Variants in SMARCA2 observed in about 807,000 individuals in gnomAD.
The protein encoded by SMARCA2 is SWI/SNF-related matrix-associated actin-dependent regulator of chromatin subfamily A member 2.
Under a neutral mutation model 199.8 loss-of-function variants are expected in SMARCA2, and 61 were observed. That is an observed-to-expected ratio of 0.31 (90% CI 0.25 to 0.38). The LOEUF is 0.38. Ranked by LOEUF, SMARCA2 falls within the 10% of genes least tolerant of loss-of-function variation. The pLI is 1.00. For missense variants in SMARCA2, 1,344 were observed against 2,012.2 expected (o/e 0.67, Z 6.35); for synonymous variants, 935 against 732.0 (o/e 1.28, Z -4.48).
chr9:2,080,756 C>T (rs934126464), intron 14 of SMARCA2, among the ~76,000 whole-genome samples: 3 of 152,148 alleles, frequency 2.0e-5, no homozygotes, highest in Non-Finnish European at 4.4e-5. Context: ...CAAACCAATG[C>T]GGTGTCTCCC....
In SMARCA2 at chr9:2,119,968, G is replaced by A. The variant is rs922832811; in HGVS notation, c.3762+433G>A. Among the ~76,000 whole-genome samples, 2 of 152,202 alleles carry A rather than the reference G, an allele frequency of 1.3e-5. No individual in the cohort carries two copies. Among genetic ancestry groups the A allele is most frequent in the African/African-American group, 4.8e-5 (2 of 41,448 alleles). On this transcript the variant is annotated intron_variant, in intron 26 of 33. Transcript: ENST00000349721. This position sits in a 1 kb window ranked among gnomAD's most constrained non-coding sequence, Gnocchi z 4.6. ...TCAGGAAGCCTACCTGGCTCCTATAGGCATTGGAACTTACAACAGTGCCCT... is the reference window on the plus strand; with the variant it reads ...TCAGGAAGCCTACCTGGCTCCTATAAGCATTGGAACTTACAACAGTGCCCT...
At chr9:2,042,844 A>G (rs1819671332) in intron 4 of SMARCA2, 7 of 152,162 alleles carry the variant, frequency 4.6e-5, no homozygotes, top group Admixed American at 4.6e-4. Flanking sequence ...GGAGACGTGA[A>G]TGAAGGAGGA....
chr9:2,064,982 A>T (rs1448356961), intron 9 of SMARCA2, among the ~76,000 whole-genome samples: 1 of 152,186 alleles, frequency 6.6e-6, no homozygotes, highest in African/African-American at 2.4e-5. Flanking sequence ...CAGGAGATCG[A>T]GACCATCCTG....
intron 2 of SMARCA2, 24 bp from the exon 3 acceptor site, chr9:2,032,928 A>C (rs1314537534): frequency 6.2e-7 from 1 of 1,609,606 alleles, no homozygotes; most frequent in Admixed American, 1.7e-5. Flanking sequence ...GAGGTGTCTA[A>C]CTAATGTCCT....
Position 2,162,078 on chromosome 9 carries a change from T to C in SMARCA2, c.4199+175T>C, listed in dbSNP as rs1303612807. Reference sequence around the variant, plus strand: ...TAAAATGGCCACTGTTGCTATTTTGTATGATGTTTCATCAGGTATTATTTA... The same window carrying C: ...TAAAATGGCCACTGTTGCTATTTTGCATGATGTTTCATCAGGTATTATTTA... On this transcript the variant is annotated intron_variant, in intron 28 of 33. Transcript: ENST00000349721. Among the ~76,000 whole-genome samples, 6 of 152,246 alleles carry C rather than the reference T, an allele frequency of 3.9e-5. No individual in the cohort carries two copies. In the East Asian group the frequency reaches 1.2e-3, roughly 29 times the overall value.
In SMARCA2 at chr9:2,017,261, C is replaced by A. The variant is rs146715871; in HGVS notation, c.-37+1857C>A. On this transcript the variant is annotated intron_variant, in intron 1 of 33. Coordinates refer to ENST00000349721, the MANE Select transcript of SMARCA2 (RefSeq NM_003070.5). The surrounding 1 kb of genome is among the most constrained non-coding windows in gnomAD (Gnocchi z 8.8). ...GGGGGTGGGGTGGAGGGAAGTTGGA[C>A]GTGGATCAGGCAGGAAAAAAAAAGT... The A allele has an allele frequency of 4.2e-5, 6 of 143,752 alleles. No homozygotes were observed. The highest frequency in any genetic ancestry group is 7.9e-5 in the African/African-American group (3 of 38,182). 8.9% of individuals were successfully genotyped at this position (143,752 alleles called of 1,614,324 possible). A position where few individuals can be genotyped will look rare whatever the true frequency, so the allele number is the denominator to read the frequency against.
At chr9:2,101,259 G>A (rs1205511286) in intron 21 of SMARCA2, among the ~76,000 whole-genome samples, 1 of 151,978 alleles carries the variant, frequency 6.6e-6, no homozygotes, top group African/African-American at 2.4e-5. Flanking sequence ...CCTAGAGGGT[G>A]GATCTCCAGA....
chr9:2,131,322 A>G (rs962731629), intron 27 of SMARCA2, among the ~76,000 whole-genome samples: 4 of 152,114 alleles, frequency 2.6e-5, no homozygotes, highest in African/African-American at 9.7e-5. Context: ...CTTATGTCTG[A>G]ATGTGTAGAC....
chr9:2,020,804 G>A (rs1563710264), intron 1 of SMARCA2, among the ~76,000 whole-genome samples: 1 of 152,086 alleles, frequency 6.6e-6, no homozygotes, highest in Non-Finnish European at 1.5e-5. Context: ...ATGAAATTCA[G>A]GAACAAAATA....
intron 9 of SMARCA2, among the ~76,000 whole-genome samples, chr9:2,061,189 G>A (rs1470884208): frequency 6.6e-6 from 1 of 152,132 alleles, no homozygotes; most frequent in Non-Finnish European, 1.5e-5. Context: ...CATAATAATG[G>A]GATATACTAA....
At chr9:2,053,136 G>A (rs1375271323) in intron 5 of SMARCA2, among the ~76,000 whole-genome samples, 4 of 151,958 alleles carry the variant, frequency 2.6e-5, no homozygotes, top group South Asian at 2.1e-4. Context: ...TCCCTCCCCC[G>A]TCTAGTAGTC....
At chr9:2,090,829 A>C (rs895210764) in intron 19 of SMARCA2, among the ~76,000 whole-genome samples, 3 of 149,108 alleles carry the variant, frequency 2.0e-5, no homozygotes, top group Non-Finnish European at 4.4e-5. Context: ...GCTGATGTTC[A>C]TTTTCTACTT....
At chr9:2,150,051 C>T (rs911440751) in intron 27 of SMARCA2, among the ~76,000 whole-genome samples, 1 of 151,498 alleles carries the variant, frequency 6.6e-6, no homozygotes, top group Non-Finnish European at 1.5e-5. Flanking sequence ...TGTGTACATA[C>T]ATGTATGTGA....
intron 27 of SMARCA2, among the ~76,000 whole-genome samples, chr9:2,149,713 A>G (rs7858702): frequency 0.83 from 126,082 of 151,104 alleles, 53,357 homozygotes; most frequent in Middle Eastern, 0.93. Context: ...GAGCCAAACC[A>G]TATCACTGGC....
At chr9:2,154,209 C>T (rs1201286432) in intron 27 of SMARCA2, among the ~76,000 whole-genome samples, 1 of 152,028 alleles carries the variant, frequency 6.6e-6, no homozygotes, top group Non-Finnish European at 1.5e-5. Flanking sequence ...CTAAATGTAC[C>T]CAAAGCACTG....
At position 2,096,168 on chromosome 9, in the gene SMARCA2, T is replaced by C; in HGVS notation, c.2884-489T>C. On this transcript the variant is annotated intron_variant, in intron 19 of 33. Coordinates refer to ENST00000349721, the MANE Select transcript of SMARCA2 (RefSeq NM_003070.5). ...TTAATGGTAGTCACCCTAGGGATGT[T>C]ATAAATCTCACTTTAAGACTAGTAT... Among the ~76,000 whole-genome samples the C allele has an allele frequency of 1.3e-5, 2 of 152,222 alleles. 1 individual carries two copies. The highest frequency in any genetic ancestry group is 3.8e-4 in the East Asian group (2 of 5,198).
intron 20 of SMARCA2, 73 bp downstream of exon 20, chr9:2,096,837 C>G: frequency 1.1e-6 from 1 of 900,416 alleles, no homozygotes; most frequent in Middle Eastern, 2.1e-4. Context: ...TGAATATTCA[C>G]AGGAAGCATC....
intron 9 of SMARCA2, chr9:2,069,070 C>G (rs1309279062): frequency 6.6e-6 from 1 of 151,668 alleles, no homozygotes; most frequent in Non-Finnish European, 1.5e-5. Flanking sequence ...GTACCCACCA[C>G]AACACCCGGC....
intron 12 of SMARCA2, among the ~76,000 whole-genome samples, chr9:2,075,994 G>C (rs186371416): frequency 1.3e-5 from 2 of 152,276 alleles, no homozygotes; most frequent in East Asian, 3.9e-4. Flanking sequence ...TGGGAGCAAG[G>C]GTTCTAGGGG....
Sources: allele counts gnomAD v4.1 joint callset (sites outside exome capture counted in the v4.1 genomes callset), GRCh38; gene constraint gnomAD v4.1.1; non-coding constraint Gnocchi (gnomAD v3.1); transcripts MANE v1.5; gene names NCBI Gene and HGNC (gene_info 2026-07-23, HGNC 2026-07-21).